The following TET1 variants were observed in gnomAD, a reference collection of about 807,000 sequenced individuals.
TET1 encodes the protein methylcytosine dioxygenase TET1.
Under a neutral mutation model 148.7 loss-of-function variants are expected in TET1, and 13 were observed. The observed-to-expected ratio is 0.09, with a 90% CI of 0.06 to 0.14. The LOEUF is 0.14. Ranked by LOEUF, TET1 falls within the 10% of genes least tolerant of loss-of-function variation. The pLI, the probability that TET1 is intolerant of heterozygous loss-of-function variation, is 1.00. For missense variants in TET1, 2,182 were observed against 2,553.8 expected (o/e 0.85, Z 3.14); for synonymous variants, 907 against 937.2 (o/e 0.97, Z 0.59).
intron 8 of TET1, among the ~76,000 whole-genome samples, chr10:68,678,211 G>A (rs891054454): frequency 6.6e-6 from 1 of 152,168 alleles, no homozygotes; most frequent in African/African-American, 2.4e-5. Flanking sequence ...TCCATGGAGG[G>A]GATAATGGTC....
At position 68,599,059 on chromosome 10, in the gene TET1, T is replaced by C. The variant is rs1034216811; in HGVS notation, c.1915-1922T>C. The stretch of plus-strand genomic sequence containing the variant: ...GGGTGAGTGAGAGGTAATTTAAAAG[T>C]GGAAAAACAACGCATGCCGGACTTC... On this transcript the variant is annotated intron_variant, in intron 2 of 11. Coordinates refer to ENST00000373644, the MANE Select transcript of TET1 (RefSeq NM_030625.3). Among the ~76,000 whole-genome samples, 5 of 152,042 alleles carry C rather than the reference T, an allele frequency of 3.3e-5. No individual in the cohort carries two copies. In the South Asian group the frequency reaches 1.0e-3, roughly 32 times the overall value.
chr10:68,627,075 C>T (rs2054494407), intron 3 of TET1, among the ~76,000 whole-genome samples: 1 of 152,068 alleles, frequency 6.6e-6, no homozygotes, highest in Non-Finnish European at 1.5e-5. Flanking sequence ...AGTTCGAGAC[C>T]AGCCTGGCCA....
At chr10:68,626,104 A>AAAAG (rs2054475720) in intron 3 of TET1, among the ~76,000 whole-genome samples, 1 of 10,404 alleles carries the variant, frequency 9.6e-5, no homozygotes, top group African/African-American at 3.9e-4. Flanking sequence ...AAAAGAAAAA[A>AAAAG]AAAAAGAAAA....
In TET1 at chr10:68,573,772, A is replaced by G. The variant is rs772079002; in HGVS notation, c.1434A>G (p.Gln478=). The G allele has an allele frequency of 1.2e-6, 2 of 1,613,998 alleles. No homozygotes were observed. The highest frequency in any genetic ancestry group is 2.2e-5 in the South Asian group (2 of 91,080). Residue 478 remains glutamine (Q), a synonymous_variant, in exon 2 of 12, where the codon CAA becomes CAG. Coordinates refer to ENST00000373644, the MANE Select transcript of TET1 (RefSeq NM_030625.3). ...ILPLGSGHTP[Q]SSSNSEKNSL... ...CTTTGGGCTCAGGACACACTCCTCA[A>G]TCATCATCAAACTCAGAGAAAAATT...
At chr10:68,677,734 C>T (rs903444231) in intron 8 of TET1, among the ~76,000 whole-genome samples, 1 of 151,768 alleles carries the variant, frequency 6.6e-6, no homozygotes, top group African/African-American at 2.4e-5. Context: ...GCAACTCCTG[C>T]CTCAGCCTCC....
intron 2 of TET1, among the ~76,000 whole-genome samples, chr10:68,581,315 A>G (rs1353489062): frequency 6.6e-6 from 1 of 152,190 alleles, no homozygotes; most frequent in Non-Finnish European, 1.5e-5. Context: ...ACTCTCAGTC[A>G]TCTAGGAATT....
chr10:68,653,383 A>T (rs1034181878), intron 6 of TET1, among the ~76,000 whole-genome samples: 21 of 152,204 alleles, frequency 1.4e-4, no homozygotes, highest in African/African-American at 4.3e-4. Context: ...TTTAGATTTT[A>T]TAATGTTTCC....
In TET1 at chr10:68,568,591, G is replaced by A. The variant is rs1056152713; in HGVS notation, c.-122-3626G>A. ...TTGATATCCTACTATAGTGAGCTTTGCTTTTGCTTAGAGCTTCATCTTATT... is the reference window on the plus strand; with the variant it reads ...TTGATATCCTACTATAGTGAGCTTTACTTTTGCTTAGAGCTTCATCTTATT... On this transcript the variant is annotated intron_variant, in intron 1 of 11. Coordinates refer to ENST00000373644, the MANE Select transcript of TET1 (RefSeq NM_030625.3). Among the ~76,000 whole-genome samples the A allele has an allele frequency of 7.2e-5, 11 of 152,318 alleles. No individual in the cohort carries two copies. In the South Asian group the frequency reaches 1.7e-3, roughly 23 times the overall value.
chr10:68,691,368 C>G lies in TET1; in HGVS notation c.5965C>G (p.His1989Asp). Residue 1989 changes from histidine to aspartate, a missense_variant, in exon 12 of 12, where the codon CAC (histidine) becomes GAC (aspartate). Around this residue, in one of 11 missense-constraint regions of TET1, gnomAD observed 380 missense variants for 387.9 expected, o/e 0.98. Coordinates refer to ENST00000373644, the MANE Select transcript of TET1 (RefSeq NM_030625.3). The surrounding 1 kb of genome is among the most constrained non-coding windows in gnomAD (Gnocchi z 4.4). ...GTCACCTGCTGAGGAGAAATTGCCC[C>G]ACATTGATGAGTATTGGTCAGACAG... is the stretch of plus-strand genomic sequence containing the variant. ...PLSPAEEKLP[H>D]IDEYWSDSEH... 1 of 1,614,156 alleles carries G rather than the reference C, an allele frequency of 6.2e-7. No individual in the cohort carries two copies. Among genetic ancestry groups the G allele is most frequent in the Non-Finnish European group, 8.5e-7 (1 of 1,180,046 alleles).
rs2054815614 is a variant in TET1 at position 68,644,862 on chromosome 10, A to G, written c.2133A>G (p.Thr711=). 1 of 1,613,666 alleles carries G rather than the reference A, an allele frequency of 6.2e-7. No individual in the cohort carries two copies. Among genetic ancestry groups the G allele is most frequent in the African/African-American group, 1.3e-5 (1 of 74,920 alleles). ...CAGGCATCGAGGTGGAGAAGTGGAC[A>G]CAAAACAAGAAATCACAGTTAACTG... The part of the protein sequence containing the change: ...SMTGIEVEKW[T]QNKKSQLTDH... The change falls in exon 4 of 12, where the codon ACA becomes ACG. Residue 711 remains threonine (T), a synonymous_variant. Transcript: ENST00000373644.
intron 6 of TET1, among the ~76,000 whole-genome samples, chr10:68,665,256 T>C (rs1374666281): frequency 7.0e-6 from 1 of 143,508 alleles, no homozygotes; most frequent in African/African-American, 2.6e-5. Flanking sequence ...TTCATAAACT[T>C]TGGAACAATT....
chr10:68,682,170 A>G (rs1037105495), intron 9 of TET1, among the ~76,000 whole-genome samples: 1 of 121,818 alleles, frequency 8.2e-6, no homozygotes, highest in African/African-American at 3.3e-5. Context: ...GCGCAATCTC[A>G]GCCTTTTGGC....
chr10:68,594,474 A>G (rs1172415737), intron 2 of TET1, among the ~76,000 whole-genome samples: 1 of 152,200 alleles, frequency 6.6e-6, no homozygotes, highest in Non-Finnish European at 1.5e-5. Flanking sequence ...GAAGGAATCC[A>G]GTAGATCTGG....
At chr10:68,642,034 G>T (rs1239219501) in intron 3 of TET1, among the ~76,000 whole-genome samples, 1 of 152,156 alleles carries the variant, frequency 6.6e-6, no homozygotes. Flanking sequence ...TGTACAACAT[G>T]AAGTTTTCAA....
At position 68,692,997 on chromosome 10, in the gene TET1, T is replaced by A. The variant is rs770340230; in HGVS notation, c.*1183T>A. The A allele has an allele frequency of 4.3e-6, 1 of 230,616 alleles. No homozygotes were observed. The highest frequency in any genetic ancestry group is 8.5e-6 in the Non-Finnish European group (1 of 117,012). 14.3% of individuals were successfully genotyped at this position (230,616 alleles called of 1,614,324 possible). ...AAACAAATTCCCTACTATCATCACA[T>A]GCCTCCCCAACCCCAAGTCAAAAAC... On this transcript the variant is annotated 3_prime_UTR_variant, in exon 12 of 12. Coordinates refer to ENST00000373644, the MANE Select transcript of TET1 (RefSeq NM_030625.3).
chr10:68,683,393 C>T (rs1020292359), intron 10 of TET1, among the ~76,000 whole-genome samples: 4 of 152,216 alleles, frequency 2.6e-5, no homozygotes, highest in Non-Finnish European at 5.9e-5. Context: ...ATTCTCCTGC[C>T]TTAGCCTCCC....
intron 2 of TET1, among the ~76,000 whole-genome samples, chr10:68,574,932 T>G (rs2053711308): frequency 6.6e-6 from 1 of 152,224 alleles, no homozygotes; most frequent in South Asian, 2.1e-4. Flanking sequence ...TTAGAATTTA[T>G]TTAAAAACTT....
chr10:68,672,299 G>A (rs1160650381), intron 7 of TET1, among the ~76,000 whole-genome samples: 2 of 151,306 alleles, frequency 1.3e-5, no homozygotes, highest in Non-Finnish European at 2.9e-5. Context: ...GACCAGCCTG[G>A]CCAACCTGAT....
intron 3 of TET1, among the ~76,000 whole-genome samples, chr10:68,624,628 CTTTCTTTCTTTCTTTCTTTCTTTCTT>C (rs1564974729): frequency 6.4e-4 from 25 of 38,880 alleles, no homozygotes; most frequent in African/African-American, 4.1e-3. Context: ...TTCTTTCTTT[CTTTCTTTCTTTCTTTCTTTCTTTCTT>C]TCTTTCTCTC....
Sources: gnomAD v4.1 joint callset for allele counts (sites outside exome capture counted in the v4.1 genomes callset) on GRCh38, gnomAD v4.1.1 for gene constraint, gnomAD v4.1.1 regional missense constraint, Gnocchi (gnomAD v3.1) non-coding constraint, MANE v1.5 for transcripts, NCBI Gene and HGNC (gene_info 2026-07-23, HGNC 2026-07-21) for gene names.